HMGCLL1: variants seen among roughly 807,000 people sequenced by gnomAD.
The protein encoded by HMGCLL1 is 3-hydroxy-3-methylglutaryl-CoA lyase like 1.
A neutral mutation model predicts 39.1 loss-of-function variants in HMGCLL1; 36 were observed. The ratio of observed to expected loss-of-function variants is 0.92; its 90% CI spans 0.71 to 1.22. The LOEUF is 1.22. HMGCLL1 is among the 50% of genes most tolerant of loss of function. The probability of loss-of-function intolerance (pLI) is 0.00; values close to 1 mark genes in which losing one functional copy is unlikely to be tolerated. For synonymous variants in HMGCLL1, 149 were observed against 144.0 expected, an observed-to-expected ratio of 1.03 and a Z score of -0.25; for missense variants, 451 against 416.5, an observed-to-expected ratio of 1.08 and a Z score of -0.72.
chr6:55,642,125 T>C, the HMGCLL1 span, among the ~76,000 whole-genome samples: 2 of 129,360 alleles, frequency 1.5e-5, no homozygotes, highest in Non-Finnish European at 3.2e-5. Flanking sequence ...GATCTCATTG[T>C]TCAATTCCCA....
intron 1 of HMGCLL1, among the ~76,000 whole-genome samples, chr6:55,545,456 A>G (rs989037252): frequency 5.3e-5 from 8 of 152,188 alleles, no homozygotes; most frequent in Admixed American, 3.9e-4. Context: ...ATCTAATGTT[A>G]CTATTTAGTC....
At chr6:55,439,650 G>T in intron 7 of HMGCLL1, 91 bp from the exon 8 acceptor site, 1 of 1,373,782 alleles carries the variant, frequency 7.3e-7, no homozygotes. Context: ...CTGCAAATAA[G>T]CAAAATCTGA....
At chr6:55,643,321 T>C in the HMGCLL1 span, among the ~76,000 whole-genome samples, 2 of 152,110 alleles carry the variant, frequency 1.3e-5, no homozygotes, top group South Asian at 4.1e-4. Context: ...GACTGTTCAA[T>C]AATAGCTATT....
intron 1 of HMGCLL1, among the ~76,000 whole-genome samples, chr6:55,572,092 C>T (rs1311200150): frequency 6.6e-6 from 1 of 151,986 alleles, no homozygotes; most frequent in Non-Finnish European, 1.5e-5. Context: ...TGCATAAGCA[C>T]ATACAAACAT....
intron 3 of HMGCLL1, among the ~76,000 whole-genome samples, chr6:55,530,859 TA>T (rs1446356356): frequency 6.6e-6 from 1 of 152,144 alleles, no homozygotes; most frequent in Non-Finnish European, 1.5e-5. Context: ...TTTTTATTTT[TA>T]AAAAATATTC....
chr6:55,665,588 T>TGTCCAGCTGTTGAAATTGTTTCTTC, the HMGCLL1 span, among the ~76,000 whole-genome samples: 2 of 151,842 alleles, frequency 1.3e-5, no homozygotes, highest in East Asian at 3.9e-4. Context: ...ACCCCACAAC[T>TGTCCAGCTGTTGAAATTGTTTCTTC]GTCCAGCTGT....
intron 7 of HMGCLL1, among the ~76,000 whole-genome samples, chr6:55,445,148 A>T (rs1763762026): frequency 6.6e-6 from 1 of 152,068 alleles, no homozygotes; most frequent in African/African-American, 2.4e-5. Flanking sequence ...AAAAAATCAC[A>T]GTACTTTAAA....
Position 55,513,332 on chromosome 6 carries a change from A to T in HMGCLL1, c.542+716T>A, listed in dbSNP as rs1767563429. Reference sequence around the variant, plus strand: ...GTAATCAACATCTCTTAGAATGAACAGCTGATAAGTTTCCACAAGAAAAAG... The same window carrying T: ...GTAATCAACATCTCTTAGAATGAACTGCTGATAAGTTTCCACAAGAAAAAG... On this transcript the variant is annotated intron_variant, in intron 5 of 8. Transcript: ENST00000274901. 2.6e-5 allele frequency: 4 copies of T among 152,186 alleles called. No homozygotes were observed. In the South Asian group the frequency reaches 8.3e-4, roughly 31 times the overall value. The allele number at this position is 152,186 out of a possible 1,614,324, so 9.4% of individuals were successfully genotyped here. A position where few individuals can be genotyped will look rare whatever the true frequency, so the allele number is the denominator to read the frequency against.
Position 55,574,841 on chromosome 6 carries a change from C to T in HMGCLL1, c.108+4107G>A, listed in dbSNP as rs546152804. On this transcript the variant is annotated intron_variant, in intron 1 of 8. Coordinates refer to ENST00000274901, the MANE Select transcript of HMGCLL1 (RefSeq NM_001042406.2). ...GACCCTTTAGCACCAAATAACTTTA[C>T]GCTGAATCATAATTTTTGCTGACAG... 2.0e-4 allele frequency among the ~76,000 whole-genome samples: 31 copies of T among 152,070 alleles called. No individual in the cohort carries two copies. The South Asian group carries it at 3.3e-3, about 16-fold the overall frequency.
chr6:55,576,865 T>G (rs1194250005), intron 1 of HMGCLL1, among the ~76,000 whole-genome samples: 1 of 152,188 alleles, frequency 6.6e-6, no homozygotes, highest in Non-Finnish European at 1.5e-5. Flanking sequence ...TAATAAAATT[T>G]TGAAAATGTT....
the HMGCLL1 span, among the ~76,000 whole-genome samples, chr6:55,642,598 C>CAA: frequency 6.6e-6 from 1 of 152,022 alleles, no homozygotes; most frequent in African/African-American, 2.4e-5. Flanking sequence ...CTTTGTGTTA[C>CAA]AAACAATCCA....
the HMGCLL1 span, among the ~76,000 whole-genome samples, chr6:55,627,508 G>A: frequency 6.6e-6 from 1 of 151,902 alleles, no homozygotes; most frequent in Non-Finnish European, 1.5e-5. Flanking sequence ...ACTTGTGATG[G>A]TTAATACCGA....
At chr6:55,477,155 ATATAT>A (rs1201863023) in intron 7 of HMGCLL1, among the ~76,000 whole-genome samples, 1 of 56,748 alleles carries the variant, frequency 1.8e-5, no homozygotes, top group Non-Finnish European at 3.1e-5. Context: ...TATATATATT[ATATAT>A]TATAATATAA....
chr6:55,560,374 C>T (rs1228188411), intron 1 of HMGCLL1, among the ~76,000 whole-genome samples: 1 of 152,124 alleles, frequency 6.6e-6, no homozygotes, highest in African/African-American at 2.4e-5. Context: ...CTTTACTATT[C>T]CAGAAAAATG....
At chr6:55,444,039 A>C (rs796115369) in intron 7 of HMGCLL1, among the ~76,000 whole-genome samples, 9 of 152,252 alleles carry the variant, frequency 5.9e-5, no homozygotes, top group African/African-American at 2.2e-4. Context: ...TCTTGAACTG[A>C]GTTGATTACA....
the HMGCLL1 span, among the ~76,000 whole-genome samples, chr6:55,591,414 G>C: frequency 6.6e-6 from 1 of 151,844 alleles, no homozygotes; most frequent in African/African-American, 2.4e-5. Flanking sequence ...TTGCAGAGGG[G>C]CACTTCATCT....
At chr6:55,510,531 T>C (rs1767399829) in intron 5 of HMGCLL1, among the ~76,000 whole-genome samples, 1 of 149,712 alleles carries the variant, frequency 6.7e-6, no homozygotes, top group African/African-American at 2.5e-5. Flanking sequence ...CTCGGTAAAC[T>C]ATCGCAAGGA....
intron 3 of HMGCLL1, among the ~76,000 whole-genome samples, chr6:55,521,903 C>G (rs1243200106): frequency 6.6e-6 from 1 of 152,004 alleles, no homozygotes; most frequent in Non-Finnish European, 1.5e-5. Context: ...ATAAACCAGG[C>G]CTCTTATGCC....
chr6:55,609,342 C>T, the HMGCLL1 span, among the ~76,000 whole-genome samples: 2 of 152,254 alleles, frequency 1.3e-5, no homozygotes, highest in South Asian at 4.1e-4. Flanking sequence ...TTTTCCTCTG[C>T]TGGAGCCGGG....
Sources: gnomAD v4.1 joint callset for allele counts (sites outside exome capture counted in the v4.1 genomes callset) on GRCh38, gnomAD v4.1.1 for gene constraint, MANE v1.5 for transcripts, NCBI Gene and HGNC (gene_info 2026-07-23, HGNC 2026-07-21) for gene names.